The following ATAD3C variants were observed in gnomAD, a reference collection of about 807,000 sequenced individuals.
The protein encoded by ATAD3C is ATPase family AAA domain-containing protein 3C.
ATAD3C carries 38 observed loss-of-function variants against 46.3 expected under a neutral mutation model. That is an observed-to-expected ratio of 0.82 (90% CI 0.63 to 1.08). The LOEUF is 1.08. Among genes scored for constraint, ATAD3C ranks in the 50% least tolerant of loss-of-function variants. ATAD3C has a pLI of 0.00. For synonymous variants in ATAD3C, 220 were observed against 236.4 expected, an observed-to-expected ratio of 0.93 and a Z score of 0.63; for missense variants, 563 against 572.7, an observed-to-expected ratio of 0.98 and a Z score of 0.17.
At position 1,468,718 on chromosome 1, in the gene ATAD3C, G is replaced by C. The variant is rs770847598; in HGVS notation, c.*188G>C. The C allele has an allele frequency of 2.7e-5, 28 of 1,042,734 alleles. No individual in the cohort carries two copies. The highest frequency in any genetic ancestry group is 3.5e-5 in the Non-Finnish European group (25 of 718,942). 64.6% of individuals were successfully genotyped at this position (1,042,734 alleles called of 1,614,324 possible). A position where few individuals can be genotyped will look rare whatever the true frequency, so the allele number is the denominator to read the frequency against. On this transcript the variant is annotated 3_prime_UTR_variant, in exon 12 of 12. Transcript: ENST00000378785. ...CGTCCCCCTGGGGTCAAAGGTGACA[G>C]AAAAGGCAGAAGCTGGGGCTTTCTG... is the stretch of plus-strand genomic sequence containing the variant.
At position 1,455,587 on chromosome 1, in the gene ATAD3C, C is replaced by A. The variant is rs369435105; in HGVS notation, c.438+68C>A. ...CCCCGGAGCTGGGCTGGGCTGTGGC[C>A]CTTGCTGGCGCTCCTGGTGGCGCCC... On this transcript the variant is annotated intron_variant, in intron 5 of 11. Transcript: ENST00000378785. 720 of 1,606,396 alleles carry A rather than the reference C, an allele frequency of 4.5e-4. 9 individuals are homozygous for A. The African/African-American group carries it at 7.7e-3, about 17-fold the overall frequency.
At chr1:1,461,605 G>A (rs1463006812) in intron 10 of ATAD3C, among the ~76,000 whole-genome samples, 1 of 151,476 alleles carries the variant, frequency 6.6e-6, no homozygotes, top group Non-Finnish European at 1.5e-5. Context: ...CCCCCATGTC[G>A]GAATTCGAAG....
intron 9 of ATAD3C, among the ~76,000 whole-genome samples, chr1:1,460,288 G>A (rs1639034086): frequency 6.6e-6 from 1 of 151,880 alleles, no homozygotes; most frequent in Admixed American, 6.6e-5. Flanking sequence ...CACCATGTTA[G>A]TCAGCTGGTG....
At chr1:1,453,963 A>C (rs759192077) in intron 3 of ATAD3C, among the ~76,000 whole-genome samples, 14 of 151,848 alleles carry the variant, frequency 9.2e-5, no homozygotes, top group Non-Finnish European at 2.1e-4. Context: ...TTTTAAAACG[A>C]GTTAGAGATT....
chr1:1,452,122 G>A lies in ATAD3C; in HGVS notation c.152G>A (p.Arg51Lys). 1.2e-6 allele frequency: 2 copies of A among 1,613,320 alleles called. No homozygotes were observed. The highest frequency in any genetic ancestry group is 1.7e-6 in the Non-Finnish European group (2 of 1,179,530). Residue 51 changes from arginine (R) to lysine (K), a missense_variant and splice_region_variant, in exon 2 of 12, where the codon AGG becomes AAG. Around this residue, in one of 3 missense-constraint regions of ATAD3C, gnomAD observed 263 missense variants for 243.1 expected, o/e 1.08. Coordinates refer to ENST00000378785, the MANE Select transcript of ATAD3C (RefSeq NM_001039211.3). Reference sequence around the variant, plus strand: ...CATCAGACCTTCTTGGAGTCCATCAGGTGAGCGCTGCCGAGGCCCGGGCCG... The same window carrying A: ...CATCAGACCTTCTTGGAGTCCATCAAGTGAGCGCTGCCGAGGCCCGGGCCG... Reference protein sequence around the residue: ...KHHQTFLESIRAAGTLFGEGF... With the variant: ...KHHQTFLESIKAAGTLFGEGF...
chr1:1,458,560 G>A (rs547816540), intron 8 of ATAD3C, among the ~76,000 whole-genome samples: 4 of 151,840 alleles, frequency 2.6e-5, no homozygotes, highest in South Asian at 4.2e-4. Context: ...GATTACAGGC[G>A]TGAGCCACCG....
intron 1 of ATAD3C, among the ~76,000 whole-genome samples, chr1:1,451,360 AT>A (rs1638856069): frequency 7.0e-6 from 1 of 142,332 alleles, no homozygotes; most frequent in South Asian, 2.2e-4. Context: ...AATTTTATTT[AT>A]TTTGAAACGG....
intron 8 of ATAD3C, among the ~76,000 whole-genome samples, chr1:1,457,595 C>CT (rs1638986327): frequency 2.7e-5 from 1 of 36,466 alleles, no homozygotes. Context: ...GACTTCATCT[C>CT]AAAAAAAAAA....
chr1:1,458,570 G>A (rs1239103056), intron 8 of ATAD3C, among the ~76,000 whole-genome samples: 3 of 151,716 alleles, frequency 2.0e-5, no homozygotes, highest in East Asian at 1.9e-4. Flanking sequence ...GTGAGCCACC[G>A]CGCCAGGCCC....
Position 1,468,976 on chromosome 1 carries a change from C to T in ATAD3C, c.*446C>T. 1 of 187,116 alleles carries T rather than the reference C, an allele frequency of 5.3e-6. No homozygotes were observed. The highest frequency in any genetic ancestry group is 9.5e-5 in the South Asian group (1 of 10,546). 11.6% of individuals were successfully genotyped at this position (187,116 alleles called of 1,614,324 possible). Reference sequence around the variant, plus strand: ...CGCTTTGCAGCTAGTCCCTGCAAACCTTGATGATGGGGCTGGGCGCGGTGG... The same window carrying T: ...CGCTTTGCAGCTAGTCCCTGCAAACTTTGATGATGGGGCTGGGCGCGGTGG... On this transcript the variant is annotated 3_prime_UTR_variant, in exon 12 of 12. Transcript: ENST00000378785.
In ATAD3C at chr1:1,462,709, G is replaced by C. The variant is rs953000836; in HGVS notation, c.1089+1G>C. On this transcript the variant is annotated splice_donor_variant, in intron 11 of 11. Transcript: ENST00000378785. LOFTEE classifies it high-confidence loss of function. The surrounding 1 kb of genome is among the most constrained non-coding windows in gnomAD (Gnocchi z 4.5). ...CGCACAGCTGGCCGTGTCCTGGCAG[G>C]TGAGTCAGGCTCGGGTGCACCCACC... 8.1e-6 allele frequency: 13 copies of C among 1,600,268 alleles called. No homozygotes were observed. The highest frequency in any genetic ancestry group is 1.7e-4 in the Middle Eastern group (1 of 6,048).
At chr1:1,460,632 A>G in intron 9 of ATAD3C, 118 bp from the exon 10 acceptor site, 1 of 1,406,298 alleles carries the variant, frequency 7.1e-7, no homozygotes, top group South Asian at 1.6e-5. Flanking sequence ...CTGTGCTCAC[A>G]AGCTGCCACT....
At chr1:1,453,829 C>T (rs981147570) in intron 3 of ATAD3C, among the ~76,000 whole-genome samples, 5 of 151,216 alleles carry the variant, frequency 3.3e-5, no homozygotes, top group African/African-American at 1.2e-4. Context: ...TTAGTAGAGA[C>T]GGGGTTTCTC....
At chr1:1,460,645 A>G (rs1639040653) in intron 9 of ATAD3C, 105 bp from the exon 10 acceptor site, 2 of 1,416,366 alleles carry the variant, frequency 1.4e-6, no homozygotes, top group East Asian at 5.4e-5. Flanking sequence ...CTGCCACTTT[A>G]GATTCTCCCA....
intron 4 of ATAD3C, among the ~76,000 whole-genome samples, chr1:1,454,765 C>G (rs112073382): frequency 0.032 from 4,826 of 151,758 alleles, 270 homozygotes; most frequent in African/African-American, 0.11. Flanking sequence ...TTGCAAGACC[C>G]GGGATTTGGG....
At chr1:1,465,262 T>G (rs1639127304) in intron 11 of ATAD3C, among the ~76,000 whole-genome samples, 1 of 151,898 alleles carries the variant, frequency 6.6e-6, no homozygotes, top group Non-Finnish European at 1.5e-5. Flanking sequence ...CGGATGCTAT[T>G]GTAAATGGAA....
chr1:1,451,289 G>C (rs925406941), intron 1 of ATAD3C, among the ~76,000 whole-genome samples: 1 of 151,866 alleles, frequency 6.6e-6, no homozygotes, highest in Non-Finnish European at 1.5e-5. Context: ...GCCTGCCTCA[G>C]CCTCCCAAAG....
chr1:1,468,711 G>A lies in ATAD3C; in HGVS notation c.*181G>A. The stretch of plus-strand genomic sequence containing the variant: ...CCCCTAACGTCCCCCTGGGGTCAAA[G>A]GTGACAGAAAAGGCAGAAGCTGGGG... On this transcript the variant is annotated 3_prime_UTR_variant, in exon 12 of 12. Coordinates refer to ENST00000378785, the MANE Select transcript of ATAD3C (RefSeq NM_001039211.3). The A allele has an allele frequency of 8.7e-7, 1 of 1,146,304 alleles. No individual in the cohort carries two copies. Among genetic ancestry groups the A allele is most frequent in the African/African-American group, 1.6e-5 (1 of 63,558 alleles). The allele number at this position is 1,146,304 out of a possible 1,614,324, so 71.0% of individuals were successfully genotyped here. A position where few individuals can be genotyped will look rare whatever the true frequency, so the allele number is the denominator to read the frequency against.
In ATAD3C at chr1:1,468,736, G is replaced by C; in HGVS notation, c.*206G>C. ...GGTGACAGAAAAGGCAGAAGCTGGGGCTTTCTGGAGGATTTAACCACAGAG... is the reference window on the plus strand; with the variant it reads ...GGTGACAGAAAAGGCAGAAGCTGGGCCTTTCTGGAGGATTTAACCACAGAG... On this transcript the variant is annotated 3_prime_UTR_variant, in exon 12 of 12. Transcript: ENST00000378785. 3 of 910,516 alleles carry C rather than the reference G, an allele frequency of 3.3e-6. No individual in the cohort carries two copies. In the South Asian group the frequency reaches 5.3e-5, roughly 16 times the overall value. The allele number at this position is 910,516 out of a possible 1,614,324, so 56.4% of individuals were successfully genotyped here. A position where few individuals can be genotyped will look rare whatever the true frequency, so the allele number is the denominator to read the frequency against.
Sources: allele counts gnomAD v4.1 joint callset (sites outside exome capture counted in the v4.1 genomes callset), GRCh38; gene constraint gnomAD v4.1.1; regional missense constraint gnomAD v4.1.1; non-coding constraint Gnocchi (gnomAD v3.1); transcripts MANE v1.5; gene names NCBI Gene and HGNC (gene_info 2026-07-23, HGNC 2026-07-21).